JAKMIP3: variants seen among roughly 807,000 people sequenced by gnomAD.
The protein encoded by JAKMIP3 is janus kinase and microtubule-interacting protein 3.
Under a neutral mutation model 118.5 loss-of-function variants are expected in JAKMIP3, and 58 were observed. The observed-to-expected ratio is 0.49, with a 90% confidence interval of 0.40 to 0.61. The LOEUF (loss-of-function observed/expected upper bound fraction) is 0.61. JAKMIP3 is among the 20% of genes least tolerant of loss of function. JAKMIP3 has a pLI of 0.00. For synonymous variants in JAKMIP3, 486 were observed against 451.2 expected (o/e 1.08, Z -0.98); for missense variants, 950 against 1,109.0 (o/e 0.86, Z 2.04).
intron 11 of JAKMIP3, chr10:132,143,586 G>C (rs2054014354): frequency 6.6e-6 from 1 of 152,252 alleles, no homozygotes; most frequent in African/African-American, 2.4e-5. Flanking sequence ...AGGAAAATCT[G>C]ATGCCGAGAA....
intron 16 of JAKMIP3, among the ~76,000 whole-genome samples, chr10:132,152,695 C>T (rs2056425378): frequency 6.6e-6 from 1 of 152,170 alleles, no homozygotes; most frequent in Non-Finnish European, 1.5e-5. Context: ...GCATCTGCCT[C>T]AGCTGGTTAC....
Position 132,180,700 on chromosome 10 carries a change from TGTGTGTGC to T in JAKMIP3, c.*1104-1655_*1104-1648del, listed in dbSNP as rs2061099591. Among the ~76,000 whole-genome samples, 31 of 18,294 alleles carry T rather than the reference TGTGTGTGC, an allele frequency of 1.7e-3. 3 individuals are homozygous for T. The highest frequency in any genetic ancestry group is 4.0e-3 in the South Asian group (2 of 496). 12.0% of individuals were successfully genotyped at this position (18,294 alleles called of 152,430 possible). On this transcript the variant is annotated intron_variant, in intron 23 of 23. Coordinates refer to ENST00000684848, the MANE Select transcript of JAKMIP3 (RefSeq NM_001323087.2). ...GCGCGCGCGTGTGTGTGCGTGCGTG[TGTGTGTGC>T]GCGTGTGTGTGCGTGTGTGTGCGTG...
intron 19 of JAKMIP3, among the ~76,000 whole-genome samples, chr10:132,161,010 A>C (rs866320731): frequency 0.024 from 92 of 3,770 alleles, no homozygotes; most frequent in African/African-American, 0.051. Flanking sequence ...GGGGCCTCTC[A>C]CTGTGTGATG....
intron 1 of JAKMIP3, among the ~76,000 whole-genome samples, chr10:132,102,750 C>T (rs12355380): frequency 0.18 from 26,697 of 152,210 alleles, 2,418 homozygotes; most frequent in East Asian, 0.2. Flanking sequence ...CTGCCACCTC[C>T]GCTGGTCTCT....
At chr10:132,106,369 C>CAAAT (rs71013507) in intron 2 of JAKMIP3, among the ~76,000 whole-genome samples, 4 of 149,996 alleles carry the variant, frequency 2.7e-5, no homozygotes, top group Non-Finnish European at 4.4e-5. Context: ...AAAAAAAAAA[C>CAAAT]CCACAGCTGC....
chr10:132,099,852 G>A (rs1423239078), intron 1 of JAKMIP3, among the ~76,000 whole-genome samples: 2 of 149,248 alleles, frequency 1.3e-5, no homozygotes, highest in African/African-American at 2.5e-5. Flanking sequence ...GCACTGCCAC[G>A]CTGTCCGTCT....
chr10:132,129,843 G>A (rs759089205), intron 3 of JAKMIP3, among the ~76,000 whole-genome samples: 7 of 150,284 alleles, frequency 4.7e-5, no homozygotes, highest in East Asian at 3.9e-4. Context: ...ACCCCATCAC[G>A]TCTGGAACCA....
intron 1 of JAKMIP3, among the ~76,000 whole-genome samples, chr10:132,080,205 G>C (rs952638599): frequency 2.0e-5 from 3 of 152,152 alleles, no homozygotes; most frequent in African/African-American, 7.2e-5. Context: ...GATCCATCAT[G>C]CTGTTTTCCA....
At chr10:132,073,270 C>G (rs988446291) in intron 1 of JAKMIP3, among the ~76,000 whole-genome samples, 29 of 152,194 alleles carry the variant, frequency 1.9e-4, no homozygotes, top group Non-Finnish European at 3.4e-4. Context: ...ACTACAAGCT[C>G]TGCCTCCCAG....
At chr10:132,164,295 A>C (rs2058672766) in intron 20 of JAKMIP3, among the ~76,000 whole-genome samples, 1 of 152,100 alleles carries the variant, frequency 6.6e-6, no homozygotes, top group Admixed American at 6.5e-5. Flanking sequence ...CATCCCCCTC[A>C]CCGGGAGGCT....
At chr10:132,102,274 G>A (rs949632436) in intron 1 of JAKMIP3, among the ~76,000 whole-genome samples, 5 of 152,128 alleles carry the variant, frequency 3.3e-5, no homozygotes, top group Non-Finnish European at 4.4e-5. Flanking sequence ...GCAGTGCGCC[G>A]GGCCCGGCGA....
intron 1 of JAKMIP3, among the ~76,000 whole-genome samples, chr10:132,042,924 T>C (rs2037804883): frequency 3.2e-5 from 1 of 31,326 alleles, no homozygotes; most frequent in Non-Finnish European, 5.4e-5. Flanking sequence ...ACCCCATGTC[T>C]CAAAAAAAAA....
intron 3 of JAKMIP3, among the ~76,000 whole-genome samples, chr10:132,123,068 G>A (rs2048833128): frequency 6.6e-6 from 1 of 152,214 alleles, no homozygotes; most frequent in African/African-American, 2.4e-5. Context: ...TGTGCTCCTG[G>A]AGAAGCTGGG....
At chr10:132,102,254 G>T (rs945447782) in intron 1 of JAKMIP3, among the ~76,000 whole-genome samples, 14 of 152,170 alleles carry the variant, frequency 9.2e-5, no homozygotes, top group African/African-American at 3.4e-4. Context: ...GAGCTGGAAA[G>T]GGGAGACAGG....
chr10:132,135,126 G>C lies in JAKMIP3; in HGVS notation c.935G>C (p.Arg312Pro), dbSNP rs202023395. The change falls in exon 5 of 24, where the codon CGC becomes CCC. Residue 312 changes from arginine to proline, a missense_variant. Transcript: ENST00000684848. ...GCGATTATCCGCAAACTGGAGGACCGCAATGCATTGCTGTCGGAAGAGAGG... is the reference window on the plus strand; with the variant it reads ...GCGATTATCCGCAAACTGGAGGACCCCAATGCATTGCTGTCGGAAGAGAGG... ...LSAIIRKLED[R>P]NALLSEERNE... The C allele has an allele frequency of 6.2e-7, 1 of 1,612,646 alleles. No individual in the cohort carries two copies. Among genetic ancestry groups the C allele is most frequent in the Non-Finnish European group, 8.5e-7 (1 of 1,179,036 alleles).
In JAKMIP3 at chr10:132,180,588, T is replaced by TGTGC. The variant is rs2060818451; in HGVS notation, c.*1104-1766_*1104-1765insCGTG. Among the ~76,000 whole-genome samples, 7 of 28,014 alleles carry TGTGC rather than the reference T, an allele frequency of 2.5e-4. 1 individual carries two copies. The highest frequency in any genetic ancestry group is 1.4e-3 in the African/African-American group (6 of 4,184). 18.4% of individuals were successfully genotyped at this position (28,014 alleles called of 152,430 possible). A position where few individuals can be genotyped will look rare whatever the true frequency, so the allele number is the denominator to read the frequency against. ...GTGTGCGTGTGTGTGTGCGTGCGCG[T>TGTGC]GTGTGTGTGCGTGCGCGTGTGTGTG... On this transcript the variant is annotated intron_variant, in intron 23 of 23. Transcript: ENST00000684848.
intron 1 of JAKMIP3, among the ~76,000 whole-genome samples, chr10:132,080,519 TTTTTTTTTTTTTTTTTTTTTA>T (rs1285703105): frequency 1.1e-5 from 1 of 91,542 alleles, no homozygotes; most frequent in Non-Finnish European, 2.4e-5. Flanking sequence ...TTTTTTTTTT[TTTTTTTTTTTTTTTTTTTTTA>T]AGATGGAGTC....
At chr10:132,053,689 C>G (rs766912529) in intron 1 of JAKMIP3, among the ~76,000 whole-genome samples, 6 of 152,236 alleles carry the variant, frequency 3.9e-5, no homozygotes, top group Non-Finnish European at 7.4e-5. Context: ...CTCATTGTTT[C>G]CATGGTTTGA....
chr10:132,098,602 T>C (rs922875431), intron 1 of JAKMIP3, among the ~76,000 whole-genome samples: 6 of 152,148 alleles, frequency 3.9e-5, no homozygotes, highest in African/African-American at 1.4e-4. Flanking sequence ...AGTGCGGACG[T>C]CCCTTAAGAG....
Sources: gnomAD v4.1 joint callset for allele counts (sites outside exome capture counted in the v4.1 genomes callset) on GRCh38, gnomAD v4.1.1 for gene constraint, MANE v1.5 for transcripts, NCBI Gene and HGNC (gene_info 2026-07-23, HGNC 2026-07-21) for gene names.